Variants in COMMD1 observed in about 807,000 individuals in gnomAD.
COMMD1 encodes COMM domain-containing protein 1.
Under a neutral mutation model 17.2 loss-of-function variants are expected in COMMD1, and 10 were observed. The ratio of observed to expected loss-of-function variants is 0.58; its 90% CI spans 0.36 to 0.99. The LOEUF is 0.99. Ranked by LOEUF, COMMD1 falls within the 50% of genes least tolerant of loss-of-function variation. The pLI is 0.01. For missense variants in COMMD1, 270 were observed against 231.8 expected (o/e 1.17, Z -1.07); for synonymous variants, 97 against 91.6 (o/e 1.06, Z -0.34).
Position 61,977,259 on chromosome 2 carries a change from T to G in COMMD1, c.181-23442T>G, listed in dbSNP as rs1275429185. Among the ~76,000 whole-genome samples the G allele has an allele frequency of 8.7e-5, 13 of 149,050 alleles. 1 individual carries two copies. Among genetic ancestry groups the G allele is most frequent in the Non-Finnish European group, 1.3e-4 (9 of 67,214 alleles). ...AAGTTTGCTTTTTTTTTTTTTTTTT[T>G]TTTTGAGACAGTTTCACTCTTGTTG... On this transcript the variant is annotated intron_variant, in intron 1 of 2. Transcript: ENST00000311832.
At chr2:62,077,283 CATTT>C (rs553250190) in intron 2 of COMMD1, among the ~76,000 whole-genome samples, 6 of 152,128 alleles carry the variant, frequency 3.9e-5, no homozygotes, top group Admixed American at 2.6e-4. Context: ...TAAAATTACA[CATTT>C]ATTTTGTTAG....
chr2:62,084,410 GA>G (rs1383610058), intron 2 of COMMD1, among the ~76,000 whole-genome samples: 1 of 152,022 alleles, frequency 6.6e-6, no homozygotes, highest in Non-Finnish European at 1.5e-5. Flanking sequence ...AGATCATAAG[GA>G]AGATAAAATA....
At chr2:62,069,677 G>A (rs1671147352) in intron 2 of COMMD1, 1 of 152,132 alleles carries the variant, frequency 6.6e-6, no homozygotes, top group African/African-American at 2.4e-5. Context: ...CTTATAACAA[G>A]AAGTTTTCAA....
At chr2:62,061,664 T>C (rs1007428039) in intron 2 of COMMD1, among the ~76,000 whole-genome samples, 5 of 151,030 alleles carry the variant, frequency 3.3e-5, no homozygotes, top group Non-Finnish European at 5.9e-5. Flanking sequence ...CAAGCGATTC[T>C]CCTGCCTCAG....
At chr2:61,950,363 A>G (rs1269251399) in intron 1 of COMMD1, among the ~76,000 whole-genome samples, 1 of 152,246 alleles carries the variant, frequency 6.6e-6, no homozygotes, top group African/African-American at 2.4e-5. Flanking sequence ...ATCCGATAAT[A>G]GGCAGGTTGA....
chr2:62,120,034 G>C (rs115178018), intron 2 of COMMD1, among the ~76,000 whole-genome samples: 3,071 of 152,106 alleles, frequency 0.02, 112 homozygotes, highest in African/African-American at 0.07. Context: ...GTCTCACTCT[G>C]TTGGCCAAAC....
chr2:61,990,160 G>A (rs1000515668), intron 1 of COMMD1, among the ~76,000 whole-genome samples: 3 of 152,182 alleles, frequency 2.0e-5, no homozygotes, highest in African/African-American at 4.8e-5. Context: ...GCTAAAAGGA[G>A]CTCAAAAGCA....
At position 61,957,618 on chromosome 2, in the gene COMMD1, A is replaced by G. The variant is rs182948737; in HGVS notation, c.181-43083A>G. 7.4e-3 allele frequency among the ~76,000 whole-genome samples: 1,130 copies of G among 152,302 alleles called. 6 individuals carry two copies. Among genetic ancestry groups the G allele is most frequent in the South Asian group, 0.02 (95 of 4,830 alleles). On this transcript the variant is annotated intron_variant, in intron 1 of 2. Transcript: ENST00000311832. ...AAAAAATTATGTGGCAATAGTCTATAAAATCTTTGTCTTAAAGACAAATCA... is the reference window on the plus strand; with the variant it reads ...AAAAAATTATGTGGCAATAGTCTATGAAATCTTTGTCTTAAAGACAAATCA...
rs57952834 is a variant in COMMD1, at chr2:61,927,557, C to T, written c.180+21699C>T. On this transcript the variant is annotated intron_variant, in intron 1 of 2. Transcript: ENST00000311832. ...ACAGATGCCCGCCCGCCACCATGCC[C>T]GGCTAATTTTTTTTGTATTTTTAGT... Among the ~76,000 whole-genome samples the T allele has an allele frequency of 4.7e-3, 715 of 152,070 alleles. 3 individuals carry two copies. The highest frequency in any genetic ancestry group is 0.016 in the African/African-American group (666 of 41,502).
At chr2:62,030,050 A>C (rs1206791073) in intron 2 of COMMD1, among the ~76,000 whole-genome samples, 1 of 152,262 alleles carries the variant, frequency 6.6e-6, no homozygotes, top group Non-Finnish European at 1.5e-5. Context: ...CAAAAAGAGT[A>C]TGATCTAATG....
At chr2:61,931,408 G>T (rs867311146) in intron 1 of COMMD1, among the ~76,000 whole-genome samples, 10 of 152,176 alleles carry the variant, frequency 6.6e-5, no homozygotes, top group Admixed American at 2.6e-4. Context: ...GGGTCTGGAA[G>T]TCCTTTGGAT....
chr2:61,968,305 G>C (rs752144263), intron 1 of COMMD1, among the ~76,000 whole-genome samples: 1 of 152,154 alleles, frequency 6.6e-6, no homozygotes, highest in Non-Finnish European at 1.5e-5. Flanking sequence ...GTATTTATAT[G>C]GCTCAACCTA....
At chr2:62,106,508 T>G (rs1672327714) in intron 2 of COMMD1, among the ~76,000 whole-genome samples, 2 of 152,246 alleles carry the variant, frequency 1.3e-5, no homozygotes, top group Non-Finnish European at 2.9e-5. Context: ...TTTTCAACCC[T>G]ACCACTGGCC....
chr2:62,115,716 T>G lies in COMMD1; in HGVS notation c.463-20115T>G, dbSNP rs938795635. On this transcript the variant is annotated intron_variant, in intron 2 of 2. Coordinates refer to ENST00000311832, the MANE Select transcript of COMMD1 (RefSeq NM_152516.4). ...GGGTATGACATCCTGTACTTACAAG[T>G]GGTTGTGTGTGAGAGAACGATTGAC... is the stretch of plus-strand genomic sequence containing the variant. 6.6e-5 allele frequency among the ~76,000 whole-genome samples: 10 copies of G among 152,202 alleles called. No individual in the cohort carries two copies. In the East Asian group the frequency reaches 1.9e-3, roughly 29 times the overall value.
intron 1 of COMMD1, among the ~76,000 whole-genome samples, chr2:61,928,011 C>T (rs901021344): frequency 2.0e-5 from 3 of 151,362 alleles, no homozygotes; most frequent in Admixed American, 6.6e-5. Flanking sequence ...GTGATCTGCC[C>T]TCCTCAGCCT....
intron 2 of COMMD1, among the ~76,000 whole-genome samples, chr2:62,129,933 T>A (rs867620322): frequency 2.0e-5 from 3 of 152,086 alleles, no homozygotes; most frequent in African/African-American, 7.2e-5. Flanking sequence ...CCCAGCACTT[T>A]GGGAGGCCGA....
At chr2:61,985,086 T>A (rs542379573) in intron 1 of COMMD1, among the ~76,000 whole-genome samples, 152 of 151,642 alleles carry the variant, frequency 1.0e-3, no homozygotes, top group African/African-American at 3.4e-3. Flanking sequence ...AGTCTCGCTC[T>A]GTCGCCCAGG....
At chr2:62,117,227 G>A (rs190216488) in intron 2 of COMMD1, among the ~76,000 whole-genome samples, 1 of 152,252 alleles carries the variant, frequency 6.6e-6, no homozygotes, top group East Asian at 1.9e-4. Flanking sequence ...CCGGGCTGCT[G>A]CCCCATCACA....
chr2:62,004,456 T>A (rs1669057882), intron 2 of COMMD1, among the ~76,000 whole-genome samples: 1 of 152,060 alleles, frequency 6.6e-6, no homozygotes, highest in African/African-American at 2.4e-5. Flanking sequence ...TGCCTGCCAC[T>A]GTGCCTGGCT....
Sources: gnomAD v4.1 joint callset for allele counts (sites outside exome capture counted in the v4.1 genomes callset) on GRCh38, gnomAD v4.1.1 for gene constraint, MANE v1.5 for transcripts, NCBI Gene and HGNC (gene_info 2026-07-23, HGNC 2026-07-21) for gene names.